The following SAP130 variants were observed in gnomAD, a reference collection of about 807,000 sequenced individuals.
The protein encoded by SAP130 is Sin3A associated protein 130, also known as histone deacetylase complex subunit SAP130.
In SAP130, 16 loss-of-function variants were observed where a neutral mutation model predicts 103.2. The ratio of observed to expected loss-of-function variants is 0.16; its 90% confidence interval spans 0.10 to 0.24. SAP130 has a LOEUF of 0.24. SAP130 is among the 10% of genes least tolerant of loss of function. SAP130 has a pLI of 1.00. For missense variants in SAP130, 990 were observed against 1,359.7 expected (o/e 0.73, Z 4.28); for synonymous variants, 477 against 497.0 (o/e 0.96, Z 0.53).
In SAP130 at chr2:127,947,038, A is replaced by G. The variant is rs187070272; in HGVS notation, c.2798-1479T>C. ...GAAGGGGAGAGAAGGAGAGAGAGAG[A>G]GAAAGGAGGATGGGAGAGGCAGAGA... On this transcript the variant is annotated intron_variant, in intron 18 of 20. Transcript: ENST00000643581. 4.6e-5 allele frequency among the ~76,000 whole-genome samples: 7 copies of G among 151,018 alleles called. No individual in the cohort carries two copies. In the East Asian group the frequency reaches 1.2e-3, roughly 25 times the overall value.
chr2:127,957,257 G>T (rs952567325), intron 15 of SAP130, among the ~76,000 whole-genome samples: 2 of 152,076 alleles, frequency 1.3e-5, no homozygotes, highest in Non-Finnish European at 2.9e-5. Flanking sequence ...AGCTATAATT[G>T]TAACACTGGC....
In SAP130 at chr2:127,942,063, A is replaced by C. The variant is rs748536498; in HGVS notation, c.3117T>G (p.Leu1039=). Residue 1039 remains leucine (L), a synonymous_variant, in exon 21 of 21, where the codon CTT becomes CTG. Coordinates refer to ENST00000643581, the MANE Select transcript of SAP130 (RefSeq NM_001330301.2). The surrounding 1 kb of genome is among the most constrained non-coding windows in gnomAD (Gnocchi z 4.8). The stretch of plus-strand genomic sequence containing the variant: ...CTTTTTTGACAGTCCCGTTCTTGTT[A>C]AGCAGCTTCAGGACACGGTCTTTAT... The part of the protein sequence containing the change: ...LDHKDRVLKL[L]NKNGTVKKVS... 1 of 1,610,264 alleles carries C rather than the reference A, an allele frequency of 6.2e-7. No individual in the cohort carries two copies. The highest frequency in any genetic ancestry group is 1.4e-5 in the African/African-American group (1 of 74,024).
rs558746841 is a variant in SAP130 at position 127,986,158 on chromosome 2, A to G, written c.1958+627T>C. 6.6e-6 allele frequency among the ~76,000 whole-genome samples: 1 copy of G among 152,338 alleles called. No individual in the cohort carries two copies. The highest frequency in any genetic ancestry group is 1.9e-4 in the East Asian group (1 of 5,174). On this transcript the variant is annotated intron_variant, in intron 14 of 20. Transcript: ENST00000643581. The surrounding 1 kb of genome is among the most constrained non-coding windows in gnomAD (Gnocchi z 4.7). The stretch of plus-strand genomic sequence containing the variant: ...CAGAAAGCTCTCTGTCCTTGCCATA[A>G]GGCAGGGGTCTAATTGAGCTGGTTA...
chr2:127,964,871 C>T lies in SAP130; in HGVS notation c.2064-9527G>A, dbSNP rs188791858. 5.9e-5 allele frequency among the ~76,000 whole-genome samples: 9 copies of T among 151,590 alleles called. 1 individual carries two copies. The East Asian group carries it at 1.4e-3, about 23-fold the overall frequency. On this transcript the variant is annotated intron_variant, in intron 15 of 20. Coordinates refer to ENST00000643581, the MANE Select transcript of SAP130 (RefSeq NM_001330301.2). ...AATTAGCCAGGTTTGGTGGCACACA[C>T]GCCTGTGATCCCAGCTACTCAGGAG... is the stretch of plus-strand genomic sequence containing the variant.
chr2:127,988,990 A>G (rs1338920808), intron 13 of SAP130, among the ~76,000 whole-genome samples: 2 of 152,236 alleles, frequency 1.3e-5, no homozygotes, highest in African/African-American at 4.8e-5. Context: ...AAAATCTTCA[A>G]TGAGAATACT....
intron 2 of SAP130, among the ~76,000 whole-genome samples, chr2:128,023,318 T>G (rs1404272081): frequency 6.6e-6 from 1 of 152,104 alleles, no homozygotes; most frequent in African/African-American, 2.4e-5. Flanking sequence ...ATTTTTGTAT[T>G]TGCTGTAGAA....
At chr2:127,948,328 GTTTTTTTTT>G (rs71307269) in intron 18 of SAP130, among the ~76,000 whole-genome samples, 1 of 101,534 alleles carries the variant, frequency 9.8e-6, no homozygotes, top group Non-Finnish European at 2.0e-5. Context: ...TTTCCTGTGA[GTTTTTTTTT>G]TTTTTTTTTT....
chr2:128,021,162 G>A (rs1469769200), intron 2 of SAP130, among the ~76,000 whole-genome samples: 2 of 151,770 alleles, frequency 1.3e-5, no homozygotes, highest in African/African-American at 4.8e-5. Context: ...TGAAAAGAGT[G>A]ATGTGGCCGG....
chr2:127,969,167 C>T (rs1046167352), intron 15 of SAP130, among the ~76,000 whole-genome samples: 1 of 151,870 alleles, frequency 6.6e-6, no homozygotes, highest in Non-Finnish European at 1.5e-5. Context: ...TGGAGGTTGG[C>T]GGGGGGAGAG....
chr2:127,950,895 C>A (rs1013619639), intron 16 of SAP130, among the ~76,000 whole-genome samples: 1 of 152,172 alleles, frequency 6.6e-6, no homozygotes, highest in African/African-American at 2.4e-5. Flanking sequence ...AGGAGCCTGG[C>A]TTTCTAATAA....
At position 127,980,159 on chromosome 2, in the gene SAP130, T is replaced by G. The variant is rs376914025; in HGVS notation, c.1959-2070A>C. 3.4e-4 allele frequency among the ~76,000 whole-genome samples: 51 copies of G among 152,198 alleles called. 1 individual carries two copies. The South Asian group carries it at 6.4e-3, about 19-fold the overall frequency. On this transcript the variant is annotated intron_variant, in intron 14 of 20. Coordinates refer to ENST00000643581, the MANE Select transcript of SAP130 (RefSeq NM_001330301.2). The stretch of plus-strand genomic sequence containing the variant: ...CTCCCAAAGTGCTGGGATTACAGGC[T>G]TGACCCACCGTGCCTGGCCACAGGA...
chr2:128,010,344 G>A lies in SAP130; in HGVS notation c.794C>T (p.Ala265Val), dbSNP rs1163995754. The change falls in exon 7 of 21, where the codon GCA (alanine) becomes GTA (valine). Residue 265 changes from alanine (A) to valine (V), a missense_variant. Coordinates refer to ENST00000643581, the MANE Select transcript of SAP130 (RefSeq NM_001330301.2). The part of the protein sequence containing the change: ...TSNAIPPAVV[A>V]TVSATRAQSP... ...CTGAGCTCTGGTGGCTGAGACAGTT[G>A]CTACCACAGCAGGAGGGATGGCATT... The A allele has an allele frequency of 6.2e-7, 1 of 1,613,976 alleles. No individual in the cohort carries two copies. The highest frequency in any genetic ancestry group is 1.7e-5 in the Admixed American group (1 of 59,996).
intron 16 of SAP130, among the ~76,000 whole-genome samples, chr2:127,952,306 C>A (rs1210680853): frequency 6.6e-6 from 1 of 151,950 alleles, no homozygotes; most frequent in African/African-American, 2.4e-5. Flanking sequence ...TAAAAATTGG[C>A]TGGGTGTGGT....
rs1678728764 is a variant in SAP130, at chr2:127,941,776, C to T, written c.*230G>A. ...GATGCATCCGGAGTCACTTATGACA[C>T]AGATCAGGTTTAACAGGGGTGCACC... On this transcript the variant is annotated 3_prime_UTR_variant, in exon 21 of 21. Transcript: ENST00000643581. The T allele has an allele frequency of 1.9e-6, 1 of 521,354 alleles. No homozygotes were observed. Among genetic ancestry groups the T allele is most frequent in the African/African-American group, 2.0e-5 (1 of 49,948 alleles). 32.3% of individuals were successfully genotyped at this position (521,354 alleles called of 1,614,324 possible). A position where few individuals can be genotyped will look rare whatever the true frequency, so the allele number is the denominator to read the frequency against.
intron 12 of SAP130, among the ~76,000 whole-genome samples, chr2:127,992,504 T>G (rs1332651671): frequency 2.0e-5 from 3 of 151,108 alleles, no homozygotes; most frequent in Non-Finnish European, 4.4e-5. Context: ...GGTCTCGAAC[T>G]CCTGACCTCA....
chr2:128,018,483 C>CAAAAAAAAA (rs759445928), intron 2 of SAP130, among the ~76,000 whole-genome samples: 3 of 69,480 alleles, frequency 4.3e-5, no homozygotes, highest in African/African-American at 2.0e-4. Flanking sequence ...AGATTGTCTC[C>CAAAAAAAAA]AAAAAAAAAA....
intron 7 of SAP130, among the ~76,000 whole-genome samples, chr2:128,009,776 C>T (rs893603734): frequency 1.3e-5 from 2 of 152,212 alleles, no homozygotes; most frequent in African/African-American, 2.4e-5. Flanking sequence ...CCACCTTGGC[C>T]TCACTGGTGG....
intron 16 of SAP130, among the ~76,000 whole-genome samples, chr2:127,952,133 AC>A (rs1264571334): frequency 6.6e-6 from 1 of 152,130 alleles, no homozygotes; most frequent in Non-Finnish European, 1.5e-5. Flanking sequence ...CTATTAACAT[AC>A]AAAACTCTTA....
chr2:127,967,837 G>A (rs1044899613), intron 15 of SAP130, among the ~76,000 whole-genome samples: 1 of 152,304 alleles, frequency 6.6e-6, no homozygotes, highest in Admixed American at 6.5e-5. Context: ...AACAGTGATT[G>A]TACATTCTTC....
Sources: allele counts gnomAD v4.1 joint callset (sites outside exome capture counted in the v4.1 genomes callset), GRCh38; gene constraint gnomAD v4.1.1; non-coding constraint Gnocchi (gnomAD v3.1); transcripts MANE v1.5; gene names NCBI Gene and HGNC (gene_info 2026-07-23, HGNC 2026-07-21).